The following FBRSL1 variants were observed in gnomAD, a reference collection of about 807,000 sequenced individuals.
FBRSL1 encodes fibrosin like 1.
FBRSL1 carries 51 observed loss-of-function variants against 89.6 expected under a neutral mutation model. The observed-to-expected ratio is 0.57, with a 90% CI of 0.45 to 0.72. FBRSL1 has a LOEUF of 0.72. FBRSL1 is among the 30% of genes least tolerant of loss of function. The pLI is 0.00. For synonymous variants in FBRSL1, 779 were observed against 681.1 expected, an observed-to-expected ratio of 1.14 and a Z score of -2.24; for missense variants, 1,618 against 1,451.8, an observed-to-expected ratio of 1.11 and a Z score of -1.86.
At chr12:132,555,404 GCCCCACC>G in intron 5 of FBRSL1, among the ~76,000 whole-genome samples, 3 of 145,756 alleles carry the variant, frequency 2.1e-5, no homozygotes, top group African/African-American at 7.8e-5. Flanking sequence ...CACGGTAGCC[GCCCCACC>G]CGAGCGTGAG....
chr12:132,578,622 A>G (rs1347204403), intron 15 of FBRSL1, among the ~76,000 whole-genome samples: 1 of 152,234 alleles, frequency 6.6e-6, no homozygotes, highest in East Asian at 1.9e-4. Flanking sequence ...AGGCACACAC[A>G]TGGGCACTGC....
intron 15 of FBRSL1, among the ~76,000 whole-genome samples, chr12:132,578,457 A>AG (rs2040528865): frequency 6.6e-6 from 1 of 151,962 alleles, no homozygotes; most frequent in Non-Finnish European, 1.5e-5. Flanking sequence ...GAGTGGGCTG[A>AG]GGAGGAGGAG....
At chr12:132,549,166 GC>G (rs1017285024) in intron 5 of FBRSL1, among the ~76,000 whole-genome samples, 1 of 152,206 alleles carries the variant, frequency 6.6e-6, no homozygotes, top group Non-Finnish European at 1.5e-5. Context: ...CCGCACCGTC[GC>G]CGCGGCCTGG....
At chr12:132,558,483 C>T (rs913039442) in intron 5 of FBRSL1, among the ~76,000 whole-genome samples, 1 of 152,236 alleles carries the variant, frequency 6.6e-6, no homozygotes, top group African/African-American at 2.4e-5. Flanking sequence ...TGTGCATGGA[C>T]GCAAGCGCGT....
chr12:132,497,272 C>T (rs548968912), intron 1 of FBRSL1, among the ~76,000 whole-genome samples: 11 of 152,252 alleles, frequency 7.2e-5, no homozygotes, highest in Admixed American at 3.9e-4. Flanking sequence ...GGTGGGGACA[C>T]GGGTAATGAG....
intron 5 of FBRSL1, among the ~76,000 whole-genome samples, chr12:132,560,932 C>A (rs563943333): frequency 5.3e-4 from 81 of 152,248 alleles, no homozygotes; most frequent in Admixed American, 1.6e-3. Context: ...CCATTTGGGT[C>A]ATCTGGCCAC....
Position 132,581,804 on chromosome 12 carries a change from G to A in FBRSL1, c.1976G>A (p.Gly659Asp), listed in dbSNP as rs1452457103. Reference protein sequence around the residue: ...LGSLSSHAFGGLGSHALAPGG... With the variant: ...LGSLSSHAFGDLGSHALAPGG... The stretch of plus-strand genomic sequence containing the variant: ...AGCCTGAGCAGCCACGCCTTTGGGG[G>A]CCTGGGCAGCCATGCACTGGGTGAG... The change falls in exon 17 of 19, where the codon GGC becomes GAC. Residue 659 changes from glycine to aspartate, a missense_variant. Transcript: ENST00000680143. The A allele has an allele frequency of 7.8e-6, 12 of 1,548,350 alleles. No individual in the cohort carries two copies. The highest frequency in any genetic ancestry group is 2.4e-5 in the South Asian group (2 of 83,900).
Position 132,499,738 on chromosome 12 carries a change from C to T in FBRSL1, c.292-8415C>T, listed in dbSNP as rs959204394. Among the ~76,000 whole-genome samples the T allele has an allele frequency of 1.3e-5, 2 of 152,010 alleles. No homozygotes were observed. Among genetic ancestry groups the T allele is most frequent in the Admixed American group, 6.5e-5 (1 of 15,270 alleles). ...TGCAGGGCTGGGGGGTGGGGCGCTG[C>T]GCAGCACCTAAACTCCGTGAGATCA... On this transcript the variant is annotated intron_variant, in intron 1 of 18. Transcript: ENST00000680143. The surrounding 1 kb of genome is among the most constrained non-coding windows in gnomAD (Gnocchi z 4.3).
chr12:132,579,888 C>T (rs2040625946), intron 15 of FBRSL1, among the ~76,000 whole-genome samples: 2 of 152,134 alleles, frequency 1.3e-5, no homozygotes, highest in Admixed American at 6.6e-5. Flanking sequence ...TGTGGTATTC[C>T]TCAAGCTGTT....
intron 1 of FBRSL1, among the ~76,000 whole-genome samples, chr12:132,493,972 C>A (rs1225243900): frequency 1.3e-5 from 2 of 152,168 alleles, no homozygotes; most frequent in Non-Finnish European, 2.9e-5. Flanking sequence ...GAGATGGGAG[C>A]CCTGTGGCAG....
At chr12:132,549,927 C>G (rs1211324924) in intron 5 of FBRSL1, among the ~76,000 whole-genome samples, 1 of 152,236 alleles carries the variant, frequency 6.6e-6, no homozygotes, top group Non-Finnish European at 1.5e-5. Context: ...GGAGTCTGCA[C>G]ACTGGGGCGT....
At chr12:132,544,745 C>T (rs1288351766) in intron 4 of FBRSL1, among the ~76,000 whole-genome samples, 3 of 151,222 alleles carry the variant, frequency 2.0e-5, no homozygotes, top group Non-Finnish European at 4.4e-5. Context: ...ATGGTTGTGA[C>T]AATGGTGATA....
chr12:132,583,880 C>G lies in FBRSL1; in HGVS notation c.*102C>G, dbSNP rs1189920043. The G allele has an allele frequency of 4.9e-6, 3 of 609,904 alleles. No homozygotes were observed. Among genetic ancestry groups the G allele is most frequent in the Non-Finnish European group, 4.4e-6 (2 of 455,722 alleles). The allele number at this position is 609,904 out of a possible 1,614,324, so 37.8% of individuals were successfully genotyped here. ...AGCTCCCGCCGATCCTGGGGCGGCG[C>G]CGCCTCTCCACCCGCAGCCTGCGGA... On this transcript the variant is annotated 3_prime_UTR_variant, in exon 19 of 19. Transcript: ENST00000680143.
chr12:132,508,124 T>A (rs764743654), intron 1 of FBRSL1, 29 bp from the exon 2 acceptor site: 6 of 1,280,546 alleles, frequency 4.7e-6, no homozygotes, highest in Non-Finnish European at 5.6e-6. Flanking sequence ...GTCCCGCCAA[T>A]TAACTGGCGT....
chr12:132,549,113 G>C (rs1009811320), intron 5 of FBRSL1, among the ~76,000 whole-genome samples: 1 of 152,140 alleles, frequency 6.6e-6, no homozygotes, highest in Non-Finnish European at 1.5e-5. Context: ...TTCAGTTTTC[G>C]ACGTACCAAG....
In FBRSL1 at chr12:132,583,472, G is replaced by A. The variant is rs750979772; in HGVS notation, c.2703G>A (p.Glu901=). The A allele has an allele frequency of 9.2e-5, 97 of 1,056,922 alleles. 2 individuals carry two copies. In the East Asian group the frequency reaches 2.6e-3, roughly 28 times the overall value. 65.5% of individuals were successfully genotyped at this position (1,056,922 alleles called of 1,614,324 possible). A position where few individuals can be genotyped will look rare whatever the true frequency, so the allele number is the denominator to read the frequency against. Residue 901 remains glutamate (E), a synonymous_variant, in exon 19 of 19, where the codon GAG becomes GAA. Coordinates refer to ENST00000680143, the MANE Select transcript of FBRSL1 (RefSeq NM_001367871.1). The part of the protein sequence containing the change: ...HGYSPERLRG[E]LERARAPHLP... ...ACAGCCCCGAGCGCCTGCGCGGGGA[G>A]CTGGAGCGCGCGCGGGCCCCGCACC...
intron 4 of FBRSL1, among the ~76,000 whole-genome samples, chr12:132,543,277 G>T (rs531333208): frequency 1.3e-5 from 2 of 152,244 alleles, no homozygotes; most frequent in Admixed American, 1.3e-4. Flanking sequence ...GAGGAAACAG[G>T]CTCGGAGAAA....
chr12:132,566,386 A>G (rs1385464507), intron 5 of FBRSL1: 2 of 149,720 alleles, frequency 1.3e-5, no homozygotes, highest in Non-Finnish European at 3.0e-5. Flanking sequence ...TGAATCCACA[A>G]CTCAATGAAG....
chr12:132,533,410 TCCCGA>T (rs2036465342), intron 4 of FBRSL1, among the ~76,000 whole-genome samples: 1 of 134,250 alleles, frequency 7.4e-6, no homozygotes, highest in Non-Finnish European at 1.6e-5. Context: ...CTCAGTCTCC[TCCCGA>T]CCCAGCCTCT....
Sources: allele counts gnomAD v4.1 joint callset (sites outside exome capture counted in the v4.1 genomes callset), GRCh38; gene constraint gnomAD v4.1.1; non-coding constraint Gnocchi (gnomAD v3.1); transcripts MANE v1.5; gene names NCBI Gene and HGNC (gene_info 2026-07-23, HGNC 2026-07-21).